NEDD4: variants seen among roughly 807,000 people sequenced by gnomAD.
NEDD4 encodes E3 ubiquitin-protein ligase NEDD4.
A neutral mutation model predicts 144.9 loss-of-function variants in NEDD4; 99 were observed. That is an observed-to-expected ratio of 0.68 (90% CI 0.58 to 0.81). The LOEUF is 0.81. NEDD4 is among the 30% of genes least tolerant of loss of function. The probability of loss-of-function intolerance (pLI) is 0.00; values close to 1 mark genes in which losing one functional copy is unlikely to be tolerated. For missense variants in NEDD4, 985 were observed against 1,065.9 expected, an observed-to-expected ratio of 0.92 and a Z score of 1.06; for synonymous variants, 318 against 350.6, an observed-to-expected ratio of 0.91 and a Z score of 1.04.
intron 14 of NEDD4, 70 bp from the exon 15 acceptor site, chr15:55,848,956 T>C: frequency 8.3e-7 from 1 of 1,209,196 alleles, no homozygotes; most frequent in Non-Finnish European, 1.2e-6. Context: ...TCTGTTACCA[T>C]GTTTTCTAAC....
intron 21 of NEDD4, 148 bp downstream of exon 21, chr15:55,840,299 T>C (rs1461742155): frequency 8.1e-6 from 6 of 741,238 alleles, no homozygotes; most frequent in Non-Finnish European, 1.3e-5. Context: ...TAGAAAATTT[T>C]CATAATAAAA....
chr15:55,961,748 T>C (rs2037430146), intron 2 of NEDD4, among the ~76,000 whole-genome samples: 1 of 152,046 alleles, frequency 6.6e-6, no homozygotes, highest in South Asian at 2.1e-4. Flanking sequence ...GGATTACAGA[T>C]GTGAGCCACC....
At position 55,827,401 on chromosome 15, in the gene NEDD4, G is replaced by GA. The variant is rs2032744768; in HGVS notation, c.*2495_*2496insT. On this transcript the variant is annotated 3_prime_UTR_variant, in exon 29 of 29. Coordinates refer to ENST00000435532, the MANE Select transcript of NEDD4 (RefSeq NM_006154.4). ...CCACGAGCCCCTAGTGGGAGATGAA[G>GA]GGGATGAAGGTCTGCAGCTGGGGAC... 6.6e-6 allele frequency: 1 copy of GA among 152,200 alleles called. No individual in the cohort carries two copies. The highest frequency in any genetic ancestry group is 1.5e-5 in the Non-Finnish European group (1 of 68,036). 9.4% of individuals were successfully genotyped at this position (152,200 alleles called of 1,614,324 possible).
chr15:55,845,081 C>CT (rs1322886046), intron 18 of NEDD4, among the ~76,000 whole-genome samples: 2 of 152,090 alleles, frequency 1.3e-5, no homozygotes, highest in African/African-American at 2.4e-5. Flanking sequence ...TAAAGTACTG[C>CT]TTGGGCCTTT....
chr15:55,986,813 T>G (rs1449152979), intron 1 of NEDD4, among the ~76,000 whole-genome samples: 4 of 151,516 alleles, frequency 2.6e-5, no homozygotes, highest in Non-Finnish European at 5.9e-5. Context: ...GCCAGGATAG[T>G]CTCAATCTCC....
Position 55,993,371 on chromosome 15 carries a change from C to A in NEDD4, c.45+140G>T, listed in dbSNP as rs28567395. ...CGCCCCCACAGTCCCCGCGGCGCCT[C>A]GCGCGCTCCCCAGGCTCGCGCCGAG... On this transcript the variant is annotated intron_variant, in intron 1 of 28. Transcript: ENST00000435532. The A allele has an allele frequency of 3.1e-3, 3,268 of 1,051,740 alleles. 80 individuals carry two copies. In the African/African-American group the frequency reaches 0.05, roughly 16 times the overall value. 65.2% of individuals were successfully genotyped at this position (1,051,740 alleles called of 1,614,324 possible). A position where few individuals can be genotyped will look rare whatever the true frequency, so the allele number is the denominator to read the frequency against.
rs750413150 is a variant in NEDD4 at position 55,837,857 on chromosome 15, G to A, written c.2202-8C>T. ...CGCCATTGTATTACAAGACTAAAAA[G>A]AAACAACATTTCATTTTCATGTGAA... On this transcript the variant is annotated splice_polypyrimidine_tract_variant and splice_region_variant and intron_variant, in intron 23 of 28. Transcript: ENST00000435532. The A allele has an allele frequency of 1.2e-6, 2 of 1,601,524 alleles. No individual in the cohort carries two copies. Among genetic ancestry groups the A allele is most frequent in the East Asian group, 2.2e-5 (1 of 44,750 alleles).
chr15:55,955,187 A>C (rs551749255), intron 2 of NEDD4, among the ~76,000 whole-genome samples: 2 of 151,836 alleles, frequency 1.3e-5, no homozygotes, highest in South Asian at 2.1e-4. Context: ...ATGCCTGACT[A>C]ATTGTTGTGT....
intron 7 of NEDD4, among the ~76,000 whole-genome samples, chr15:55,870,031 G>T (rs1248717773): frequency 1.3e-5 from 2 of 152,088 alleles, no homozygotes; most frequent in African/African-American, 4.8e-5. Flanking sequence ...AAAGGCATAT[G>T]AGTAAAGAAG....
intron 5 of NEDD4, among the ~76,000 whole-genome samples, chr15:55,891,506 A>G (rs1167637469): frequency 2.0e-5 from 3 of 152,216 alleles, no homozygotes; most frequent in African/African-American, 7.2e-5. Context: ...CTGAGTATCA[A>G]GCATTTCTTT....
intron 1 of NEDD4, among the ~76,000 whole-genome samples, chr15:55,979,191 A>T (rs1345948203): frequency 1.3e-5 from 2 of 151,780 alleles, no homozygotes; most frequent in African/African-American, 4.8e-5. Flanking sequence ...TTCAAAAAGT[A>T]ATTATTATTA....
At chr15:55,872,929 A>G (rs1595778962) in intron 6 of NEDD4, among the ~76,000 whole-genome samples, 1 of 152,242 alleles carries the variant, frequency 6.6e-6, no homozygotes, top group African/African-American at 2.4e-5. Context: ...AAAAAAAAAA[A>G]AAAAGATTAT....
intron 5 of NEDD4, among the ~76,000 whole-genome samples, chr15:55,887,271 G>A (rs7164235): frequency 0.015 from 2,309 of 151,990 alleles, 49 homozygotes; most frequent in African/African-American, 0.053. Flanking sequence ...GAAAAAAAGA[G>A]AGAAAACCCA....
At position 55,924,682 on chromosome 15, in the gene NEDD4, G is replaced by C; in HGVS notation, c.255C>G (p.His85Gln). The change falls in exon 5 of 29, where the codon CAC (histidine) becomes CAG (glutamine). Residue 85 changes from histidine (H) to glutamine (Q), a missense_variant. Physicochemically the swap from His to Gln is conservative, Grantham distance 24. Coordinates refer to ENST00000435532, the MANE Select transcript of NEDD4 (RefSeq NM_006154.4). The stretch of plus-strand genomic sequence containing the variant: ...CGTCAAACACTTCAAAAAGAAGCCG[G>C]TGCTGCTGAGGATGAACCTAAGAAA... Reference protein sequence around the residue: ...EILFRVHPQQHRLLFEVFDEN... With the variant: ...EILFRVHPQQQRLLFEVFDEN... 1.9e-6 allele frequency: 3 copies of C among 1,609,788 alleles called. No individual in the cohort carries two copies. The highest frequency in any genetic ancestry group is 2.5e-6 in the Non-Finnish European group (3 of 1,178,066).
rs768670122 is a variant in NEDD4 at position 55,833,032 on chromosome 15, T to C, written c.2503A>G (p.Met835Val). Residue 835 changes from methionine (M) to valine (V), a missense_variant, in exon 27 of 29, where the codon ATG becomes GTG. Coordinates refer to ENST00000435532, the MANE Select transcript of NEDD4 (RefSeq NM_006154.4). ...QFVTGTSRVP[M>V]NGFAELYGSN... ...CCGTATAGTTCAGCAAATCCATTCA[T>C]AGGCACCCGAGATGTGCCAGTGACA... 7.4e-5 allele frequency: 120 copies of C among 1,612,610 alleles called. No homozygotes were observed. The highest frequency in any genetic ancestry group is 9.8e-5 in the Non-Finnish European group (115 of 1,178,984).
Position 55,993,543 on chromosome 15 carries a change from C to A in NEDD4, c.13G>T (p.Ala5Ser), listed in dbSNP as rs1171720370. MATCAVEVFGLLEDE... is the reference protein window; with the variant it reads MATCSVEVFGLLEDE... ...TCCAGGAGCCCGAACACCTCCACCG[C>A]GCAAGTTGCCATTTCCGAACGCTTC... Residue 5 changes from alanine (A) to serine (S), a missense_variant, in exon 1 of 29, where the codon GCG becomes TCG. Ala to Ser is a moderately conservative substitution (Grantham distance 99). Coordinates refer to ENST00000435532, the MANE Select transcript of NEDD4 (RefSeq NM_006154.4). 6.3e-7 allele frequency: 1 copy of A among 1,596,740 alleles called. No homozygotes were observed. Among genetic ancestry groups the A allele is most frequent in the Non-Finnish European group, 8.5e-7 (1 of 1,173,808 alleles).
At position 55,928,337 on chromosome 15, in the gene NEDD4, C is replaced by T. The variant is rs548986556; in HGVS notation, c.238-3638G>A. On this transcript the variant is annotated intron_variant, in intron 4 of 28. Coordinates refer to ENST00000435532, the MANE Select transcript of NEDD4 (RefSeq NM_006154.4). ...TATCTTATCTTTTTAATCTATCTTTCGTACTGTAATCGGACTTACCTAGAA... is the reference window on the plus strand; with the variant it reads ...TATCTTATCTTTTTAATCTATCTTTTGTACTGTAATCGGACTTACCTAGAA... Among the ~76,000 whole-genome samples the T allele has an allele frequency of 3.8e-3, 579 of 152,250 alleles. 1 individual carries two copies. Among genetic ancestry groups the T allele is most frequent in the Non-Finnish European group, 6.6e-3 (452 of 67,998 alleles).
At chr15:55,948,744 G>T (rs536002827) in intron 4 of NEDD4, among the ~76,000 whole-genome samples, 56 of 152,108 alleles carry the variant, frequency 3.7e-4, no homozygotes, top group East Asian at 7.7e-4. Context: ...GAAAACTGGC[G>T]AGCCATATGT....
chr15:55,868,056 CAA>C (rs201455596), intron 8 of NEDD4, among the ~76,000 whole-genome samples: 133 of 109,128 alleles, frequency 1.2e-3, no homozygotes, highest in Admixed American at 1.6e-3. Flanking sequence ...ACTCTGACTC[CAA>C]AAAAAAAAAA....
Sources: gnomAD v4.1 joint callset for allele counts (sites outside exome capture counted in the v4.1 genomes callset) on GRCh38, gnomAD v4.1.1 for gene constraint, MANE v1.5 for transcripts, NCBI Gene and HGNC (gene_info 2026-07-23, HGNC 2026-07-21) for gene names.